The following ENOX1 variants were observed in gnomAD, a reference collection of about 807,000 sequenced individuals.
ENOX1 encodes candidate growth-related and time keeping constitutive hydroquinone (NADH) oxidase.
ENOX1 carries 42 observed loss-of-function variants against 82.5 expected under a neutral mutation model. The ratio of observed to expected loss-of-function variants is 0.51; its 90% CI spans 0.40 to 0.66. ENOX1 has a LOEUF of 0.66. Among genes scored for constraint, ENOX1 ranks in the 30% least tolerant of loss-of-function variants. The probability of loss-of-function intolerance (pLI) is 0.00; values close to 1 mark genes in which losing one functional copy is unlikely to be tolerated. For synonymous variants in ENOX1, 271 were observed against 282.2 expected (o/e 0.96, Z 0.40); for missense variants, 608 against 811.6 (o/e 0.75, Z 3.05).
intron 9 of ENOX1, among the ~76,000 whole-genome samples, chr13:43,334,713 A>G (rs9533457): frequency 0.31 from 47,647 of 152,034 alleles, 8,118 homozygotes; most frequent in Middle Eastern, 0.48. Context: ...CAGAAGAATC[A>G]AAGTGTCTGG....
chr13:43,434,937 G>GTTTTTTTTTTTTTTTTTTT (rs537775258), intron 3 of ENOX1, among the ~76,000 whole-genome samples: 18 of 75,908 alleles, frequency 2.4e-4, no homozygotes, highest in African/African-American at 6.9e-4. Flanking sequence ...TGTGTGTGTG[G>GTTTTTTTTTTTTTTTTTTT]TTTTTTTTTT....
At chr13:43,310,594 A>T (rs1886325) in intron 11 of ENOX1, among the ~76,000 whole-genome samples, 1 of 152,112 alleles carries the variant, frequency 6.6e-6, no homozygotes, top group Non-Finnish European at 1.5e-5. Flanking sequence ...ATCCAGCATC[A>T]ATTACAATAT....
intron 16 of ENOX1, 76 bp from the exon 17 acceptor site, chr13:43,214,197 C>T (rs2041337959): frequency 1.3e-6 from 2 of 1,491,002 alleles, no homozygotes; most frequent in East Asian, 4.6e-5. Context: ...GAAGGATGAG[C>T]TTTCCCAGTG....
chr13:43,415,977 G>C (rs903387655), intron 3 of ENOX1, among the ~76,000 whole-genome samples: 1 of 143,904 alleles, frequency 6.9e-6, no homozygotes, highest in African/African-American at 2.6e-5. Flanking sequence ...ACCCCAGACA[G>C]GGCGGCCAGG....
intron 2 of ENOX1, among the ~76,000 whole-genome samples, chr13:43,666,653 A>G (rs1318138377): frequency 6.6e-6 from 1 of 152,192 alleles, no homozygotes; most frequent in Non-Finnish European, 1.5e-5. Context: ...ACTGTGAAAC[A>G]ATAAATTTCT....
chr13:43,567,269 T>C (rs1235189447), intron 2 of ENOX1, among the ~76,000 whole-genome samples: 2 of 152,142 alleles, frequency 1.3e-5, no homozygotes, highest in Non-Finnish European at 2.9e-5. Context: ...CTTTGAATGG[T>C]TATCAAAATA....
chr13:43,394,977 A>G lies in ENOX1; in HGVS notation c.208+16939T>C, dbSNP rs1174669783. Among the ~76,000 whole-genome samples, 25 of 152,222 alleles carry G rather than the reference A, an allele frequency of 1.6e-4. 1 individual carries two copies. On this transcript the variant is annotated intron_variant, in intron 5 of 16. Coordinates refer to ENST00000690772, the MANE Select transcript of ENOX1 (RefSeq NM_001347969.2). ...TGGCTCCTTGGAGTGCTATGTTGCA[A>G]TGGAAGCACACATTCTACCTCAGTA...
intron 11 of ENOX1, among the ~76,000 whole-genome samples, chr13:43,299,341 T>A (rs761539811): frequency 6.6e-6 from 1 of 151,858 alleles, no homozygotes; most frequent in Non-Finnish European, 1.5e-5. Flanking sequence ...GAAATCCCTT[T>A]CCCTAGTTTC....
At chr13:43,401,675 T>G (rs562475124) in intron 5 of ENOX1, among the ~76,000 whole-genome samples, 1 of 152,138 alleles carries the variant, frequency 6.6e-6, no homozygotes, top group East Asian at 1.9e-4. Flanking sequence ...AGATGGAACC[T>G]TTCTGAAGCT....
chr13:43,482,332 A>C (rs1231987594), intron 3 of ENOX1, among the ~76,000 whole-genome samples: 1 of 152,200 alleles, frequency 6.6e-6, no homozygotes, highest in East Asian at 1.9e-4. Flanking sequence ...CATATGTGAC[A>C]ACATGGATAA....
intron 5 of ENOX1, among the ~76,000 whole-genome samples, chr13:43,400,769 T>C (rs2053449368): frequency 6.6e-6 from 1 of 152,226 alleles, no homozygotes; most frequent in African/African-American, 2.4e-5. Context: ...TAAATCTCTA[T>C]GATTCTCCCC....
At chr13:43,327,207 C>A (rs1378950211) in intron 9 of ENOX1, among the ~76,000 whole-genome samples, 1 of 152,200 alleles carries the variant, frequency 6.6e-6, no homozygotes. Context: ...ACCAGTGGCA[C>A]TGGCATGCAG....
At chr13:43,680,497 G>C (rs767284343) in intron 1 of ENOX1, among the ~76,000 whole-genome samples, 1 of 152,090 alleles carries the variant, frequency 6.6e-6, no homozygotes, top group Admixed American at 6.6e-5. Flanking sequence ...CTCTGCCTTG[G>C]AGAAGATGCA....
intron 2 of ENOX1, among the ~76,000 whole-genome samples, chr13:43,615,699 C>A (rs1193568120): frequency 6.6e-6 from 1 of 151,888 alleles, no homozygotes; most frequent in Non-Finnish European, 1.5e-5. Flanking sequence ...CCCATCAATC[C>A]GTCATATGCA....
At chr13:43,735,556 C>T (rs988432428) in intron 1 of ENOX1, among the ~76,000 whole-genome samples, 1 of 152,030 alleles carries the variant, frequency 6.6e-6, no homozygotes, top group Non-Finnish European at 1.5e-5. Flanking sequence ...CCCGTCTCTA[C>T]TAAAAATACA....
chr13:43,438,990 A>C (rs1214787660), intron 3 of ENOX1, among the ~76,000 whole-genome samples: 1 of 151,490 alleles, frequency 6.6e-6, no homozygotes, highest in Non-Finnish European at 1.5e-5. Flanking sequence ...TATGCTCAAC[A>C]GTGTATTATT....
intron 2 of ENOX1, among the ~76,000 whole-genome samples, chr13:43,592,965 T>G (rs1290573893): frequency 6.6e-6 from 1 of 152,256 alleles, no homozygotes; most frequent in Non-Finnish European, 1.5e-5. Context: ...CTTAATATTC[T>G]GCATCCTTGA....
intron 1 of ENOX1, among the ~76,000 whole-genome samples, chr13:43,668,310 G>C (rs1318822818): frequency 3.3e-5 from 5 of 152,128 alleles, no homozygotes; most frequent in Non-Finnish European, 7.4e-5. Context: ...GTTTTAAAGT[G>C]CCTTATACAT....
intron 12 of ENOX1, among the ~76,000 whole-genome samples, chr13:43,297,468 G>C (rs528917132): frequency 6.6e-6 from 1 of 151,638 alleles, no homozygotes; most frequent in African/African-American, 2.4e-5. Flanking sequence ...ATATTCAGAG[G>C]GATAATTTAA....
Sources: gnomAD v4.1 joint callset for allele counts (sites outside exome capture counted in the v4.1 genomes callset) on GRCh38, gnomAD v4.1.1 for gene constraint, MANE v1.5 for transcripts, NCBI Gene and HGNC (gene_info 2026-07-23, HGNC 2026-07-21) for gene names.